The following CNTN5 variants were observed in gnomAD, a reference collection of about 807,000 sequenced individuals.
CNTN5 encodes contactin 5, also known as contactin-5.
A neutral mutation model predicts 129.1 loss-of-function variants in CNTN5; 77 were observed. The observed-to-expected ratio is 0.60, with a 90% CI of 0.50 to 0.72. The LOEUF is 0.72. Among genes scored for constraint, CNTN5 ranks in the 30% least tolerant of loss-of-function variants. CNTN5 has a pLI of 0.00. For synonymous variants in CNTN5, 509 were observed against 465.6 expected (o/e 1.09, Z -1.20); for missense variants, 1,478 against 1,328.8 (o/e 1.11, Z -1.75).
At chr11:99,183,914 C>T (rs184914682) in intron 1 of CNTN5, among the ~76,000 whole-genome samples, 53 of 152,080 alleles carry the variant, frequency 3.5e-4, no homozygotes, top group African/African-American at 1.1e-3. Context: ...TTCTGTTGCC[C>T]GTGTCAGTTA....
At chr11:100,355,957 G>A (rs956133860) in intron 24 of CNTN5, among the ~76,000 whole-genome samples, 160 bp from the exon 25 acceptor site, 1 of 151,434 alleles carries the variant, frequency 6.6e-6, no homozygotes, top group Non-Finnish European at 1.5e-5. Context: ...ATATAACTTT[G>A]GGAACCTCAG....
chr11:99,022,511 C>G (rs924152361), intron 1 of CNTN5, among the ~76,000 whole-genome samples: 4 of 152,022 alleles, frequency 2.6e-5, no homozygotes, highest in African/African-American at 7.2e-5. Context: ...ATTTCATGCT[C>G]AAATTATTCT....
chr11:99,975,830 C>T (rs1247589866), intron 8 of CNTN5, among the ~76,000 whole-genome samples: 5 of 152,192 alleles, frequency 3.3e-5, no homozygotes, highest in Non-Finnish European at 7.3e-5. Context: ...TCCCAAATCT[C>T]ATGTCCTTCC....
chr11:99,403,042 T>C (rs1941897566), intron 2 of CNTN5, among the ~76,000 whole-genome samples: 1 of 148,152 alleles, frequency 6.7e-6, no homozygotes, highest in Non-Finnish European at 1.5e-5. Flanking sequence ...AGTCTTGCTC[T>C]GTCACCCAGG....
At chr11:99,207,250 T>A (rs1859531815) in intron 1 of CNTN5, among the ~76,000 whole-genome samples, 1 of 152,154 alleles carries the variant, frequency 6.6e-6, no homozygotes, top group Non-Finnish European at 1.5e-5. Flanking sequence ...ACAGGACGCA[T>A]CTGAAGCATG....
chr11:99,590,448 A>G (rs1039471172), intron 3 of CNTN5, among the ~76,000 whole-genome samples: 3 of 152,198 alleles, frequency 2.0e-5, no homozygotes, highest in South Asian at 2.1e-4. Flanking sequence ...TGGCAATGAT[A>G]TTAATTAATT....
chr11:99,439,940 T>C (rs1943760488), intron 2 of CNTN5, among the ~76,000 whole-genome samples: 1 of 151,970 alleles, frequency 6.6e-6, no homozygotes, highest in South Asian at 2.1e-4. Flanking sequence ...GTGGTTGTAA[T>C]AAAAGACAAA....
At chr11:99,710,505 A>G (rs1031328718) in intron 3 of CNTN5, among the ~76,000 whole-genome samples, 1 of 151,510 alleles carries the variant, frequency 6.6e-6, no homozygotes, top group African/African-American at 2.4e-5. Flanking sequence ...TGAATAGTTC[A>G]TGCAAGGGGC....
chr11:100,160,284 A>G lies in CNTN5; in HGVS notation c.1581-30842A>G, dbSNP rs563743114. On this transcript the variant is annotated intron_variant, in intron 13 of 24. Transcript: ENST00000524871. Reference sequence around the variant, plus strand: ...TTTATGGCTGCATAGTATTCCATGGAGTGGATTTGCCACATTTTCGTTATC... The same window carrying G: ...TTTATGGCTGCATAGTATTCCATGGGGTGGATTTGCCACATTTTCGTTATC... 2.0e-5 allele frequency among the ~76,000 whole-genome samples: 3 copies of G among 151,988 alleles called. No individual in the cohort carries two copies. The South Asian group carries it at 6.2e-4, about 32-fold the overall frequency.
At chr11:100,026,660 A>G (rs1004510874) in intron 9 of CNTN5, among the ~76,000 whole-genome samples, 1 of 152,288 alleles carries the variant, frequency 6.6e-6, no homozygotes, top group Non-Finnish European at 1.5e-5. Context: ...TCATATGCCT[A>G]TCTGCCATTT....
chr11:99,038,164 G>T (rs1166552332), intron 1 of CNTN5, among the ~76,000 whole-genome samples: 2 of 151,986 alleles, frequency 1.3e-5, no homozygotes, highest in East Asian at 3.9e-4. Context: ...GTTCATTTCT[G>T]GTCCTTGACC....
intron 1 of CNTN5, among the ~76,000 whole-genome samples, chr11:99,101,304 A>C (rs988644602): frequency 6.6e-5 from 10 of 152,166 alleles, no homozygotes; most frequent in Non-Finnish European, 1.2e-4. Flanking sequence ...ACACATGATA[A>C]ACCATATCAT....
intron 3 of CNTN5, among the ~76,000 whole-genome samples, chr11:99,775,100 A>T (rs1256236782): frequency 6.6e-6 from 1 of 152,016 alleles, no homozygotes; most frequent in African/African-American, 2.4e-5. Context: ...AGTCAATCCA[A>T]ACTGATCATC....
At chr11:100,079,100 A>C (rs186512401) in intron 13 of CNTN5, among the ~76,000 whole-genome samples, 2 of 152,232 alleles carry the variant, frequency 1.3e-5, no homozygotes, top group Non-Finnish European at 2.9e-5. Context: ...TATCACGAGA[A>C]CAGCGTGCGG....
chr11:99,727,312 C>CAAAAAAAAAAAAAAAAAAAA (rs397936738), intron 3 of CNTN5, among the ~76,000 whole-genome samples: 37 of 24,222 alleles, frequency 1.5e-3, no homozygotes, highest in East Asian at 3.8e-3. Flanking sequence ...GACTCCGTCT[C>CAAAAAAAAAAAAAAAAAAAA]AAAAAAAAAA....
chr11:100,256,922 T>C (rs1944190), intron 17 of CNTN5, among the ~76,000 whole-genome samples: 110,152 of 151,864 alleles, frequency 0.73, 40,573 homozygotes, highest in East Asian at 0.92. Context: ...TTTCATACCC[T>C]AGCTGTGCCT....
intron 13 of CNTN5, among the ~76,000 whole-genome samples, chr11:100,132,835 C>T (rs1218938199): frequency 1.3e-5 from 2 of 151,998 alleles, no homozygotes; most frequent in Non-Finnish European, 2.9e-5. Flanking sequence ...AATCTATCTG[C>T]CTTGAGAAAG....
intron 9 of CNTN5, among the ~76,000 whole-genome samples, chr11:100,004,681 C>T (rs1940082754): frequency 1.3e-5 from 2 of 152,120 alleles, no homozygotes; most frequent in Admixed American, 6.6e-5. Flanking sequence ...CATGTATAAA[C>T]TCCTGATAGC....
intron 1 of CNTN5, among the ~76,000 whole-genome samples, chr11:99,021,586 G>A (rs1376303521): frequency 6.6e-6 from 1 of 152,176 alleles, no homozygotes; most frequent in African/African-American, 2.4e-5. Context: ...ATAAATGCCA[G>A]GATAAAGTGA....
Sources: gnomAD v4.1 joint callset for allele counts (sites outside exome capture counted in the v4.1 genomes callset) on GRCh38, gnomAD v4.1.1 for gene constraint, MANE v1.5 for transcripts, NCBI Gene and HGNC (gene_info 2026-07-23, HGNC 2026-07-21) for gene names.